EDA2R: variants seen among roughly 807,000 people sequenced by gnomAD.
The protein encoded by EDA2R is ectodysplasin A2 receptor, also known as tumor necrosis factor receptor superfamily member 27.
A neutral mutation model predicts 20.1 loss-of-function variants in EDA2R; 26 were observed. That is an observed-to-expected ratio of 1.30 (90% CI 0.95 to 1.80). The LOEUF is 1.80. Ranked by LOEUF, EDA2R falls within the 40% of genes most tolerant of loss-of-function variation. The probability of loss-of-function intolerance (pLI) is 0.00; values close to 1 mark genes in which losing one functional copy is unlikely to be tolerated. For synonymous variants in EDA2R, 114 were observed against 88.7 expected (o/e 1.29, Z -1.60); for missense variants, 277 against 228.7 (o/e 1.21, Z -1.36).
intron 6 of EDA2R, 147 bp downstream of exon 6, chrX:66,599,327 T>C: frequency 3.2e-6 from 2 of 616,692 alleles, no homozygotes; most frequent in Non-Finnish European, 4.8e-6. Flanking sequence ...ATCACCACTG[T>C]TGCCCCTCCA....
chrX:66,634,165 T>A (rs897323329), intron 1 of EDA2R, among the ~76,000 whole-genome samples: 1 of 112,203 alleles, frequency 8.9e-6, no homozygotes, highest in Non-Finnish European at 1.9e-5. Context: ...ATGAGAACTA[T>A]AGAATGAGGC....
At chrX:66,602,520 T>A (rs1928803369) in intron 5 of EDA2R, 113 bp downstream of exon 5, 1 of 858,452 alleles carries the variant, frequency 1.2e-6, no homozygotes, top group Non-Finnish European at 1.6e-6. Flanking sequence ...ATTCATGGGG[T>A]TTTCAAGCAT....
chrX:66,604,624 C>T, intron 3 of EDA2R, 118 bp from the exon 4 acceptor site: 1 of 619,497 alleles, frequency 1.6e-6, no homozygotes, highest in South Asian at 3.3e-5. Flanking sequence ...GTGCCCACCC[C>T]TCTTTCTGAG....
intron 1 of EDA2R, among the ~76,000 whole-genome samples, chrX:66,618,760 G>A (rs1932124156): frequency 1.8e-5 from 2 of 111,079 alleles, no homozygotes; most frequent in African/African-American, 6.7e-5. Context: ...TTCTCTTTAA[G>A]ATAATGACTT....
At chrX:66,604,394 A>C in intron 4 of EDA2R, 27 bp downstream of exon 4, 2 of 1,185,721 alleles carry the variant, frequency 1.7e-6, no homozygotes, top group Non-Finnish European at 2.3e-6. Context: ...GATGAGGAGA[A>C]AGGGAAGAAG....
chrX:66,617,913 T>G (rs889657477), intron 1 of EDA2R, among the ~76,000 whole-genome samples: 1 of 102,594 alleles, frequency 9.7e-6, no homozygotes, highest in African/African-American at 3.5e-5. Context: ...CCTTCCTTCC[T>G]TGATGGAGTT....
intron 1 of EDA2R, among the ~76,000 whole-genome samples, chrX:66,616,959 CAG>C (rs1211523587): frequency 8.9e-6 from 1 of 112,198 alleles, no homozygotes; most frequent in Non-Finnish European, 1.9e-5. Flanking sequence ...CAAAATAAGA[CAG>C]AGTTAAGTAT....
At chrX:66,621,297 C>T (rs1300429903) in intron 1 of EDA2R, among the ~76,000 whole-genome samples, 1 of 111,547 alleles carries the variant, frequency 9.0e-6, no homozygotes, top group African/African-American at 3.3e-5. Flanking sequence ...GTATTGCTGG[C>T]GAGAATACAA....
chrX:66,603,471 C>A (rs1489943117), intron 4 of EDA2R, among the ~76,000 whole-genome samples: 1 of 111,766 alleles, frequency 8.9e-6, no homozygotes, highest in East Asian at 2.8e-4. Flanking sequence ...ACATGTGTCA[C>A]TTCCAGACTG....
Position 66,599,913 on chromosome X carries a change from C to G in EDA2R, c.518-53G>C, listed in dbSNP as rs753561699. 3 of 1,170,373 alleles carry G rather than the reference C, an allele frequency of 2.6e-6. No homozygotes were observed. In the African/African-American group the frequency reaches 5.3e-5, roughly 21 times the overall value. On this transcript the variant is annotated intron_variant, in intron 5 of 6. Transcript: ENST00000374719. ...GTTACCCAAAAGCAGGGGCTCTTCTCAGCTGGGCACTGGGTACTGAGTACA... is the reference window on the plus strand; with the variant it reads ...GTTACCCAAAAGCAGGGGCTCTTCTGAGCTGGGCACTGGGTACTGAGTACA...
At chrX:66,613,221 A>G (rs1334553320) in intron 2 of EDA2R, among the ~76,000 whole-genome samples, 1 of 112,019 alleles carries the variant, frequency 8.9e-6, no homozygotes, top group Non-Finnish European at 1.9e-5. Flanking sequence ...CTAAAATGAA[A>G]CAAAATTTAA....
At chrX:66,621,796 T>C (rs1165394502) in intron 1 of EDA2R, among the ~76,000 whole-genome samples, 1 of 112,047 alleles carries the variant, frequency 8.9e-6, no homozygotes, top group Non-Finnish European at 1.9e-5. Context: ...TCTAGGGTCA[T>C]GAAAATGCCC....
chrX:66,598,637 C>T (rs1311150333), intron 6 of EDA2R, among the ~76,000 whole-genome samples: 1 of 112,010 alleles, frequency 8.9e-6, no homozygotes, highest in Non-Finnish European at 1.9e-5. Context: ...TTGAAGGTAC[C>T]TAAGTTGATT....
chrX:66,637,619 C>G (rs1031905609), intron 1 of EDA2R, among the ~76,000 whole-genome samples: 6 of 112,604 alleles, frequency 5.3e-5, no homozygotes, highest in Admixed American at 9.4e-5. Context: ...GCTTCCCTGC[C>G]TTAAAGCAGT....
Position 66,604,467 on chromosome X carries a change from T to C in EDA2R, c.306A>G (p.Gln102=). The C allele has an allele frequency of 8.3e-7, 1 of 1,210,145 alleles. No homozygotes were observed. The highest frequency in any genetic ancestry group is 1.8e-5 in the South Asian group (1 of 56,549). ...TCTGCTTCGTGCACGGGATGCACTC[T>C]TGGTCCTGCAGGCCTCCAATGCGTG... ...RKTRIGGLQD[Q]ECIPCTKQTP... The change falls in exon 4 of 7, where the codon CAA becomes CAG. Residue 102 remains glutamine, a synonymous_variant. Coordinates refer to ENST00000374719, the MANE Select transcript of EDA2R (RefSeq NM_021783.5).
chrX:66,630,521 G>C (rs144347226), intron 1 of EDA2R, among the ~76,000 whole-genome samples: 1 of 110,848 alleles, frequency 9.0e-6, no homozygotes, highest in African/African-American at 3.3e-5. Flanking sequence ...CCACCAAAAC[G>C]TGGGCTAAGG....
intron 2 of EDA2R, among the ~76,000 whole-genome samples, chrX:66,613,405 G>A (rs1468340573): frequency 5.4e-5 from 6 of 111,320 alleles, no homozygotes; most frequent in Non-Finnish European, 1.1e-4. Flanking sequence ...TCACAAAATT[G>A]GAAAGGCAAA....
chrX:66,619,693 T>C (rs1307289898), intron 1 of EDA2R, among the ~76,000 whole-genome samples: 1 of 111,305 alleles, frequency 9.0e-6, no homozygotes, highest in Non-Finnish European at 1.9e-5. Flanking sequence ...CCCACTCAGT[T>C]GTACTGTTTG....
At chrX:66,600,079 G>T in intron 5 of EDA2R, 1 of 1,158,302 alleles carries the variant, frequency 8.6e-7, no homozygotes, top group Non-Finnish European at 1.2e-6. Flanking sequence ...CTGGATCAGA[G>T]AAAATAATCA....
Sources: gnomAD v4.1 joint callset for allele counts (sites outside exome capture counted in the v4.1 genomes callset) on GRCh38, gnomAD v4.1.1 for gene constraint, MANE v1.5 for transcripts, NCBI Gene and HGNC (gene_info 2026-07-23, HGNC 2026-07-21) for gene names.